RPS6KA5: variants seen among roughly 807,000 people sequenced by gnomAD.
RPS6KA5 encodes the protein ribosomal protein S6 kinase alpha-5.
In RPS6KA5, 27 loss-of-function variants were observed where a neutral mutation model predicts 85.5. That is an observed-to-expected ratio of 0.32 (90% CI 0.23 to 0.44). RPS6KA5 has a LOEUF of 0.44. RPS6KA5 is among the 20% of genes least tolerant of loss of function. The pLI, the probability that RPS6KA5 is intolerant of heterozygous loss-of-function variation, is 1.00. For synonymous variants in RPS6KA5, 334 were observed against 348.2 expected (o/e 0.96, Z 0.46); for missense variants, 811 against 980.9 (o/e 0.83, Z 2.31).
chr14:90,886,360 T>C (rs1396919217), intron 14 of RPS6KA5, among the ~76,000 whole-genome samples: 1 of 152,244 alleles, frequency 6.6e-6, no homozygotes, highest in Non-Finnish European at 1.5e-5. Flanking sequence ...TATCTTATCC[T>C]ACTTTCTCTA....
In RPS6KA5 at chr14:90,856,756, ACTAC is replaced by A. The variant is rs2032307151; in HGVS notation, c.*15314_*15317del. On this transcript the variant is annotated 3_prime_UTR_variant, in exon 17 of 17. Coordinates refer to ENST00000614987, the MANE Select transcript of RPS6KA5 (RefSeq NM_004755.4). ...TTTACAATGTCTTGCAACCATTACC[ACTAC>A]CTAATTCCAGAACATTTTGATCACC... 1 of 152,152 alleles carries A rather than the reference ACTAC, an allele frequency of 6.6e-6. No individual in the cohort carries two copies. Among genetic ancestry groups the A allele is most frequent in the Admixed American group, 6.6e-5 (1 of 15,264 alleles). 9.4% of individuals were successfully genotyped at this position (152,152 alleles called of 1,614,324 possible).
chr14:90,944,072 CCT>C (rs1332306504), intron 4 of RPS6KA5, among the ~76,000 whole-genome samples: 2 of 152,076 alleles, frequency 1.3e-5, no homozygotes, highest in African/African-American at 2.4e-5. Flanking sequence ...TTTATAGATC[CCT>C]CTGTTTTACT....
At chr14:90,961,734 G>A (rs760232163) in intron 3 of RPS6KA5, among the ~76,000 whole-genome samples, 3 of 151,608 alleles carry the variant, frequency 2.0e-5, no homozygotes, top group African/African-American at 4.9e-5. Flanking sequence ...TAAAATTATC[G>A]CTCATAGATT....
rs1161583305 is a variant in RPS6KA5 at position 90,978,538 on chromosome 14, G to C, written c.176-14C>G. 1 of 1,540,906 alleles carries C rather than the reference G, an allele frequency of 6.5e-7. No individual in the cohort carries two copies. Among genetic ancestry groups the C allele is most frequent in the East Asian group, 2.3e-5 (1 of 43,100 alleles). On this transcript the variant is annotated splice_polypyrimidine_tract_variant and intron_variant, in intron 2 of 16. Transcript: ENST00000614987. ...CTTTTCCATAAGCTGAAAATGAAAA[G>C]AAAAAATAAAAAGAATTAAAATGCT...
chr14:90,979,365 C>T lies in RPS6KA5; in HGVS notation c.176-841G>A, dbSNP rs1233829340. The stretch of plus-strand genomic sequence containing the variant: ...CTTTGGGAATGAAAAGGTGAGTCCC[C>T]CACTTCATCCCTACAAGGTGTCAAT... On this transcript the variant is annotated intron_variant, in intron 2 of 16. Coordinates refer to ENST00000614987, the MANE Select transcript of RPS6KA5 (RefSeq NM_004755.4). Among the ~76,000 whole-genome samples the T allele has an allele frequency of 2.0e-5, 3 of 152,194 alleles. No individual in the cohort carries two copies. The East Asian group carries it at 5.8e-4, about 29-fold the overall frequency.
intron 3 of RPS6KA5, among the ~76,000 whole-genome samples, chr14:90,949,394 T>C (rs1177355962): frequency 6.6e-6 from 1 of 152,236 alleles, no homozygotes; most frequent in South Asian, 2.1e-4. Context: ...CTTGCTATAC[T>C]GCAATTGTTT....
intron 7 of RPS6KA5, among the ~76,000 whole-genome samples, chr14:90,910,297 T>C (rs1437487863): frequency 1.3e-5 from 2 of 152,188 alleles, no homozygotes; most frequent in Non-Finnish European, 2.9e-5. Flanking sequence ...TAAAATTTCT[T>C]CCTACTCATG....
intron 8 of RPS6KA5, among the ~76,000 whole-genome samples, chr14:90,904,022 C>T (rs948113219): frequency 6.6e-6 from 1 of 151,596 alleles, no homozygotes; most frequent in Admixed American, 6.6e-5. Flanking sequence ...TCTCGGCTCA[C>T]TACTACAAGC....
chr14:91,037,860 C>G (rs2042463209), intron 1 of RPS6KA5, among the ~76,000 whole-genome samples: 1 of 152,198 alleles, frequency 6.6e-6, no homozygotes, highest in South Asian at 2.1e-4. Flanking sequence ...CTGCAAGATC[C>G]ACCTCCCTAA....
chr14:90,981,665 T>C (rs1236546262), intron 2 of RPS6KA5, among the ~76,000 whole-genome samples: 1 of 152,226 alleles, frequency 6.6e-6, no homozygotes, highest in African/African-American at 2.4e-5. Flanking sequence ...TATCAGACAA[T>C]GTCAGGGAAA....
At chr14:90,952,862 T>C (rs1339577526) in intron 3 of RPS6KA5, among the ~76,000 whole-genome samples, 2 of 152,244 alleles carry the variant, frequency 1.3e-5, no homozygotes, top group Admixed American at 6.5e-5. Flanking sequence ...AGCTCATTTA[T>C]CCATTGTGCC....
intron 1 of RPS6KA5, among the ~76,000 whole-genome samples, chr14:91,020,281 T>C (rs1192311445): frequency 6.6e-6 from 1 of 151,374 alleles, no homozygotes; most frequent in Non-Finnish European, 1.5e-5. Flanking sequence ...CAATTATAGA[T>C]TTAAAATATT....
intron 1 of RPS6KA5, among the ~76,000 whole-genome samples, chr14:91,059,524 G>T (rs2043527685): frequency 6.6e-6 from 1 of 152,086 alleles, no homozygotes; most frequent in Non-Finnish European, 1.5e-5. Context: ...TGTACTGATT[G>T]GTCTGAATAA....
chr14:90,873,208 T>G (rs1434240456), intron 16 of RPS6KA5, among the ~76,000 whole-genome samples: 1 of 152,208 alleles, frequency 6.6e-6, no homozygotes, highest in Non-Finnish European at 1.5e-5. Flanking sequence ...AAACATACAA[T>G]CTATACTTAA....
intron 2 of RPS6KA5, among the ~76,000 whole-genome samples, chr14:90,980,083 C>T (rs1286076): frequency 0.81 from 123,535 of 152,262 alleles, 50,739 homozygotes; most frequent in East Asian, 0.97. Flanking sequence ...GTTGAGACCT[C>T]AGTAAGGCAG....
At chr14:90,885,062 G>A (rs910646733) in intron 14 of RPS6KA5, among the ~76,000 whole-genome samples, 1 of 152,044 alleles carries the variant, frequency 6.6e-6, no homozygotes, top group East Asian at 1.9e-4. Flanking sequence ...AGACTAGCCT[G>A]GGCAACATGG....
chr14:90,972,222 ACGGTTTTTCCCC>A (rs1271122346), intron 3 of RPS6KA5, among the ~76,000 whole-genome samples: 1 of 152,176 alleles, frequency 6.6e-6, no homozygotes, highest in Non-Finnish European at 1.5e-5. Context: ...AAAATACCTT[ACGGTTTTTCCCC>A]CCAAAACCAG....
chr14:91,004,663 A>G (rs1045243062), intron 1 of RPS6KA5, among the ~76,000 whole-genome samples: 4 of 152,080 alleles, frequency 2.6e-5, no homozygotes, highest in Non-Finnish European at 4.4e-5. Context: ...CCACCACCAC[A>G]AGCATGATAT....
intron 14 of RPS6KA5, among the ~76,000 whole-genome samples, chr14:90,886,968 G>C (rs113776177): frequency 0.017 from 2,601 of 152,158 alleles, 92 homozygotes; most frequent in African/African-American, 0.06. Context: ...ATGTTTATTA[G>C]ATGTAAAATA....
Sources: allele counts gnomAD v4.1 joint callset (sites outside exome capture counted in the v4.1 genomes callset), GRCh38; gene constraint gnomAD v4.1.1; transcripts MANE v1.5; gene names NCBI Gene and HGNC (gene_info 2026-07-23, HGNC 2026-07-21).